The following NFIB variants were observed in gnomAD, a reference collection of about 807,000 sequenced individuals.
The protein encoded by NFIB is nuclear factor I B.
A neutral mutation model predicts 61.5 loss-of-function variants in NFIB; 11 were observed. The observed-to-expected ratio is 0.18, with a 90% confidence interval of 0.11 to 0.30. NFIB has a LOEUF of 0.30. NFIB is among the 10% of genes least tolerant of loss of function. NFIB has a pLI of 1.00. For synonymous variants in NFIB, 260 were observed against 216.5 expected (o/e 1.20, Z -1.76); for missense variants, 471 against 608.9 (o/e 0.77, Z 2.38).
At chr9:14,352,402 C>T (rs1016153730) in intron 1 of NFIB, among the ~76,000 whole-genome samples, 1 of 151,624 alleles carries the variant, frequency 6.6e-6, no homozygotes, top group Non-Finnish European at 1.5e-5. Context: ...TCTACATTAG[C>T]TAAGATGAAC....
chr9:14,417,647 G>A, the NFIB span, among the ~76,000 whole-genome samples: 1 of 152,022 alleles, frequency 6.6e-6, no homozygotes, highest in African/African-American at 2.4e-5. Flanking sequence ...CCAGATAGAA[G>A]TATTTTAAAC....
At chr9:14,267,704 C>T (rs921721306) in intron 2 of NFIB, among the ~76,000 whole-genome samples, 1 of 152,156 alleles carries the variant, frequency 6.6e-6, no homozygotes, top group Non-Finnish European at 1.5e-5. Flanking sequence ...GACAGTGAGC[C>T]CCCTGAGGGC....
the NFIB span, among the ~76,000 whole-genome samples, chr9:14,479,279 A>C: frequency 1.3e-5 from 2 of 152,208 alleles, no homozygotes; most frequent in Non-Finnish European, 2.9e-5. Context: ...AGATACCAGC[A>C]AGTAGCAGTG....
the NFIB span, among the ~76,000 whole-genome samples, chr9:14,415,010 G>A: frequency 6.6e-6 from 1 of 152,202 alleles, no homozygotes; most frequent in Non-Finnish European, 1.5e-5. Context: ...CACAGTTTCT[G>A]TGGGGCAGGA....
intron 2 of NFIB, among the ~76,000 whole-genome samples, chr9:14,261,953 A>G (rs1305831950): frequency 6.6e-6 from 1 of 152,170 alleles, no homozygotes; most frequent in African/African-American, 2.4e-5. Flanking sequence ...GAGACAGAGG[A>G]TTGCAAGGCA....
At chr9:14,347,286 G>A (rs2132895169) in intron 1 of NFIB, 1 of 152,416 alleles carries the variant, frequency 6.6e-6, no homozygotes. Flanking sequence ...TGGGGGATGA[G>A]AAACGAACTC....
chr9:14,111,160 T>C (rs1261006854), intron 10 of NFIB, among the ~76,000 whole-genome samples: 1 of 152,186 alleles, frequency 6.6e-6, no homozygotes, highest in Non-Finnish European at 1.5e-5. Context: ...TTTTAAAATA[T>C]ATCATGTGCC....
intron 2 of NFIB, among the ~76,000 whole-genome samples, chr9:14,225,075 T>C (rs1305736571): frequency 6.6e-6 from 1 of 152,134 alleles, no homozygotes; most frequent in Non-Finnish European, 1.5e-5. Context: ...GATCTCTGCA[T>C]TTCCCCACCT....
intron 10 of NFIB, among the ~76,000 whole-genome samples, chr9:14,102,973 A>G (rs2035994991): frequency 6.6e-6 from 1 of 152,208 alleles, no homozygotes; most frequent in South Asian, 2.1e-4. Context: ...GAAAAGGCCC[A>G]CCTTACAAAC....
upstream of NFIB, among the ~76,000 whole-genome samples, chr9:14,315,676 T>C (rs1232996201): frequency 1.4e-5 from 2 of 147,776 alleles, no homozygotes; most frequent in Non-Finnish European, 3.0e-5. Context: ...AGGCTCCGAG[T>C]GAATGAACTT....
intron 1 of NFIB, among the ~76,000 whole-genome samples, chr9:14,394,795 T>G (rs983935204): frequency 6.6e-6 from 1 of 152,150 alleles, no homozygotes; most frequent in African/African-American, 2.4e-5. Context: ...CATAAACAAG[T>G]TACTGAACTG....
chr9:14,181,939 C>T (rs1487342500), intron 2 of NFIB, among the ~76,000 whole-genome samples: 1 of 152,200 alleles, frequency 6.6e-6, no homozygotes, highest in African/African-American at 2.4e-5. Flanking sequence ...TGTTTAGTTA[C>T]AGCAACTTCA....
rs577108903 is a variant in NFIB at position 14,100,027 on chromosome 9, C to A, written c.1468-11701G>T. ...AGCGGAGGTTGCAGTGAGACAAGAT[C>A]GTGCCACTGCACTCCAGCCTGGGTG... On this transcript the variant is annotated intron_variant, in intron 10 of 10. Coordinates refer to ENST00000380953, the MANE Select transcript of NFIB (RefSeq NM_001190737.2). 1.6e-3 allele frequency among the ~76,000 whole-genome samples: 244 copies of A among 152,056 alleles called. 1 individual carries two copies. Among genetic ancestry groups the A allele is most frequent in the African/African-American group, 5.5e-3 (228 of 41,488 alleles).
intron 6 of NFIB, 82 bp from the exon 7 acceptor site, chr9:14,125,848 T>C: frequency 6.5e-7 from 1 of 1,533,514 alleles, no homozygotes; most frequent in Non-Finnish European, 8.8e-7. Context: ...AGATCTCATC[T>C]TGCAACATTT....
At chr9:14,272,720 TTCTA>T (rs2057718840) in intron 2 of NFIB, among the ~76,000 whole-genome samples, 1 of 123,318 alleles carries the variant, frequency 8.1e-6, no homozygotes. Flanking sequence ...AAAAAAAAAA[TTCTA>T]TCTTTTTATA....
At chr9:14,302,796 C>T (rs1358558547) in intron 2 of NFIB, among the ~76,000 whole-genome samples, 1 of 151,858 alleles carries the variant, frequency 6.6e-6, no homozygotes, top group African/African-American at 2.4e-5. Context: ...AGACAGGACA[C>T]AGTCTGGCAA....
chr9:14,456,111 C>T, the NFIB span, among the ~76,000 whole-genome samples: 3 of 152,000 alleles, frequency 2.0e-5, no homozygotes, highest in Non-Finnish European at 4.4e-5. Flanking sequence ...GATCATAATA[C>T]CATTTCTGTA....
intron 1 of NFIB, among the ~76,000 whole-genome samples, chr9:14,364,480 T>G (rs1326987682): frequency 1.3e-5 from 2 of 152,228 alleles, no homozygotes; most frequent in East Asian, 3.8e-4. Flanking sequence ...TCTCTGAATG[T>G]ATAAGAAAAT....
intron 2 of NFIB, among the ~76,000 whole-genome samples, chr9:14,301,682 AG>A (rs2059760023): frequency 6.6e-6 from 1 of 151,834 alleles, no homozygotes; most frequent in African/African-American, 2.4e-5. Context: ...AAGCTTCCCC[AG>A]CTGGCAACTG....
Sources: allele counts gnomAD v4.1 joint callset (sites outside exome capture counted in the v4.1 genomes callset), GRCh38; gene constraint gnomAD v4.1.1; transcripts MANE v1.5; gene names NCBI Gene and HGNC (gene_info 2026-07-23, HGNC 2026-07-21).